FBXW10B: variants seen among roughly 807,000 people sequenced by gnomAD.
The protein encoded by FBXW10B is F-box and WD repeat domain containing 10B.
At chr17:15,608,674 G>A in the FBXW10B span, among the ~76,000 whole-genome samples, 3 of 151,152 alleles carry the variant, frequency 2.0e-5, no homozygotes, top group Non-Finnish European at 4.4e-5. Context: ...GGCTGGTCTC[G>A]AACTCCTGAC....
At chr17:15,604,289 G>T in the FBXW10B span, among the ~76,000 whole-genome samples, 1 of 152,032 alleles carries the variant, frequency 6.6e-6, no homozygotes, top group African/African-American at 2.4e-5. Context: ...TTCTTTTTAT[G>T]TTGAGTTCAA....
the FBXW10B span, among the ~76,000 whole-genome samples, chr17:15,587,884 C>T: frequency 6.6e-6 from 1 of 152,292 alleles, no homozygotes; most frequent in East Asian, 1.9e-4. Context: ...CTGAACACTA[C>T]ACAAACATAC....
chr17:15,617,039 G>A, the FBXW10B span, among the ~76,000 whole-genome samples: 1 of 151,998 alleles, frequency 6.6e-6, no homozygotes, highest in Non-Finnish European at 1.5e-5. Context: ...CCACGTGGTG[G>A]GTGACCTAAG....
At chr17:15,612,236 G>A in the FBXW10B span, among the ~76,000 whole-genome samples, 53 of 152,206 alleles carry the variant, frequency 3.5e-4, no homozygotes, top group African/African-American at 5.3e-4. Flanking sequence ...GGCTGGGCGC[G>A]GTGGCTCACG....
At chr17:15,614,627 T>G in the FBXW10B span, among the ~76,000 whole-genome samples, 987 of 152,238 alleles carry the variant, frequency 6.5e-3, 5 homozygotes, top group Middle Eastern at 0.014. Context: ...AAGAAAAAAT[T>G]TTAAACAACT....
the FBXW10B span, chr17:15,613,740 T>A: frequency 3.1e-6 from 5 of 1,612,196 alleles, no homozygotes; most frequent in Non-Finnish European, 3.4e-6. Context: ...CTATCCAGCA[T>A]TCCTGGAAAA....
At chr17:15,619,301 T>C in the FBXW10B span, 3 of 1,613,940 alleles carry the variant, frequency 1.9e-6, no homozygotes, top group South Asian at 1.1e-5. Flanking sequence ...TTGGAAATAG[T>C]GTAACAAATA....
At chr17:15,591,486 G>A in the FBXW10B span, among the ~76,000 whole-genome samples, 6 of 152,026 alleles carry the variant, frequency 3.9e-5, no homozygotes, top group African/African-American at 1.4e-4. Flanking sequence ...ACAGGGTTTC[G>A]CCATGTTGCC....
chr17:15,607,573 C>T, the FBXW10B span: 6 of 1,612,256 alleles, frequency 3.7e-6, no homozygotes, highest in African/African-American at 1.3e-5. Context: ...CCAGTACCTA[C>T]GTGTCAGAGA....
At chr17:15,599,173 C>CAAAAAAA in the FBXW10B span, among the ~76,000 whole-genome samples, 61 of 69,118 alleles carry the variant, frequency 8.8e-4, no homozygotes, top group African/African-American at 2.0e-3. Context: ...GACTCTGTCT[C>CAAAAAAA]AAAAAAAAAA....
At chr17:15,615,602 C>G in the FBXW10B span, 4 of 1,611,108 alleles carry the variant, frequency 2.5e-6, no homozygotes, top group Admixed American at 6.7e-5. Flanking sequence ...CGTGAGCCAC[C>G]GCACCTAGCC....
the FBXW10B span, among the ~76,000 whole-genome samples, chr17:15,600,924 G>A: frequency 6.7e-6 from 1 of 150,010 alleles, no homozygotes; most frequent in African/African-American, 2.5e-5. Context: ...GGTGGCACAT[G>A]CTTGTAGTCC....
chr17:15,616,312 T>C, the FBXW10B span, among the ~76,000 whole-genome samples: 1 of 151,778 alleles, frequency 6.6e-6, no homozygotes, highest in Non-Finnish European at 1.5e-5. Context: ...GTAGCTGGGA[T>C]TACAAGTGCA....
At chr17:15,593,217 G>C in the FBXW10B span, 25 of 1,508,060 alleles carry the variant, frequency 1.7e-5, no homozygotes, top group East Asian at 2.0e-4. Context: ...AAATTGTAGA[G>C]AGGCATTGCA....
the FBXW10B span, chr17:15,574,166 T>C: frequency 2.7e-6 from 2 of 745,928 alleles, no homozygotes; most frequent in South Asian, 2.8e-5. Flanking sequence ...GCATTTACTT[T>C]GGTTATTTAG....
the FBXW10B span, among the ~76,000 whole-genome samples, chr17:15,601,505 A>G: frequency 6.6e-6 from 1 of 152,132 alleles, no homozygotes; most frequent in South Asian, 2.1e-4. Context: ...GCCAGACACA[A>G]GATCAATTTA....
At chr17:15,601,356 C>T in the FBXW10B span, among the ~76,000 whole-genome samples, 1 of 142,140 alleles carries the variant, frequency 7.0e-6, no homozygotes, top group Non-Finnish European at 1.5e-5. Flanking sequence ...TGGCAGTGAG[C>T]TGAGATCGCA....
chr17:15,614,336 C>G, the FBXW10B span, among the ~76,000 whole-genome samples: 1 of 152,026 alleles, frequency 6.6e-6, no homozygotes, highest in Non-Finnish European at 1.5e-5. Flanking sequence ...CTACAGGCGC[C>G]CGCCACCACG....
the FBXW10B span, among the ~76,000 whole-genome samples, chr17:15,586,723 T>C: frequency 6.6e-6 from 1 of 151,486 alleles, no homozygotes; most frequent in African/African-American, 2.5e-5. Flanking sequence ...TCAGGATGCT[T>C]GGCTTTGAAG....
Sources: allele counts gnomAD v4.1 joint callset (sites outside exome capture counted in the v4.1 genomes callset), GRCh38; gene constraint gnomAD v4.1.1; transcripts MANE v1.5; gene names NCBI Gene and HGNC (gene_info 2026-07-23, HGNC 2026-07-21).